Variants in RSBN1L observed in about 807,000 individuals in gnomAD.
The protein encoded by RSBN1L is round spermatid basic protein 1 like.
In RSBN1L, 30 loss-of-function variants were observed where a neutral mutation model predicts 67.7. The observed-to-expected ratio is 0.44, with a 90% CI of 0.33 to 0.60. RSBN1L has a LOEUF of 0.60. RSBN1L is among the 20% of genes least tolerant of loss of function. The pLI is 0.02. For synonymous variants in RSBN1L, 433 were observed against 387.0 expected (o/e 1.12, Z -1.39); for missense variants, 992 against 1,031.7 (o/e 0.96, Z 0.53).
intron 1 of RSBN1L, among the ~76,000 whole-genome samples, chr7:77,734,021 G>C (rs1014023994): frequency 6.6e-6 from 1 of 152,190 alleles, no homozygotes; most frequent in Non-Finnish European, 1.5e-5. Flanking sequence ...CATTTACTTG[G>C]TGGCTGAGGC....
At chr7:77,721,071 A>G (rs1307372746) in intron 1 of RSBN1L, among the ~76,000 whole-genome samples, 1 of 151,910 alleles carries the variant, frequency 6.6e-6, no homozygotes, top group African/African-American at 2.4e-5. Flanking sequence ...TGGATTTAAC[A>G]CTTATTTATG....
chr7:77,701,172 AACAACAAC>A (rs1562791780), intron 1 of RSBN1L, among the ~76,000 whole-genome samples: 16 of 127,814 alleles, frequency 1.3e-4, no homozygotes, highest in Admixed American at 3.2e-4. Context: ...AAAAAAAAAC[AACAACAAC>A]AACAACAACA....
At chr7:77,758,044 AAAAG>A (rs1304708459) in intron 3 of RSBN1L, among the ~76,000 whole-genome samples, 1 of 152,242 alleles carries the variant, frequency 6.6e-6, no homozygotes, top group South Asian at 2.1e-4. Flanking sequence ...ATCTCAAAAA[AAAAG>A]AAAGAAATTC....
In RSBN1L at chr7:77,749,451, T is replaced by A. The variant is rs1791524764; in HGVS notation, c.731T>A (p.Ile244Lys). 3 of 1,572,764 alleles carry A rather than the reference T, an allele frequency of 1.9e-6. No individual in the cohort carries two copies. The highest frequency in any genetic ancestry group is 2.6e-6 in the Non-Finnish European group (3 of 1,167,732). Reference sequence around the variant, plus strand: ...GGGAAGGAGAAACCAAAAACAAATATAGAAGACTTACAAATTAAAAAGGTA... The same window carrying A: ...GGGAAGGAGAAACCAAAAACAAATAAAGAAGACTTACAAATTAAAAAGGTA... ...KSGKEKPKTN[I>K]EDLQIKKVKK... The change falls in exon 3 of 8, where the codon ATA (isoleucine) becomes AAA (lysine). Residue 244 changes from isoleucine (I) to lysine (K), a missense_variant. By Grantham distance (102) the Ile-to-Lys change is moderately radical. Around this residue, in one of 7 missense-constraint regions of RSBN1L, gnomAD observed 575 missense variants for 483.2 expected, o/e 1.19. Coordinates refer to ENST00000334955, the MANE Select transcript of RSBN1L (RefSeq NM_198467.3).
At chr7:77,723,818 C>T (rs1791154633) in intron 1 of RSBN1L, among the ~76,000 whole-genome samples, 1 of 152,096 alleles carries the variant, frequency 6.6e-6, no homozygotes, top group African/African-American at 2.4e-5. Context: ...CCTGTAATCC[C>T]AGCTACTCGG....
At chr7:77,711,214 A>G (rs1790969054) in intron 1 of RSBN1L, among the ~76,000 whole-genome samples, 1 of 152,186 alleles carries the variant, frequency 6.6e-6, no homozygotes, top group Non-Finnish European at 1.5e-5. Flanking sequence ...AATAATAACC[A>G]AATTATATTT....
chr7:77,758,192 G>C (rs572351327), intron 3 of RSBN1L, among the ~76,000 whole-genome samples: 1 of 152,194 alleles, frequency 6.6e-6, no homozygotes, highest in East Asian at 1.9e-4. Flanking sequence ...ATTTTAACAG[G>C]TCATTGTCCA....
chr7:77,778,585 G>A lies in RSBN1L; in HGVS notation c.1958G>A (p.Arg653His), dbSNP rs1457449108. The A allele has an allele frequency of 6.2e-6, 10 of 1,613,768 alleles. No homozygotes were observed. The highest frequency in any genetic ancestry group is 2.2e-5 in the South Asian group (2 of 91,072). Reference protein sequence around the residue: ...KLNQLRREGIRYARIQLYDND... With the variant: ...KLNQLRREGIHYARIQLYDND... Reference sequence around the variant, plus strand: ...AATCAACTGAGGAGGGAAGGCATTCGCTATGCCAGGATTCAGCTATATGAT... The same window carrying A: ...AATCAACTGAGGAGGGAAGGCATTCACTATGCCAGGATTCAGCTATATGAT... Residue 653 changes from arginine to histidine, a missense_variant, in exon 8 of 8, where the codon CGC becomes CAC. Coordinates refer to ENST00000334955, the MANE Select transcript of RSBN1L (RefSeq NM_198467.3).
At chr7:77,707,023 T>A (rs1280214105) in intron 1 of RSBN1L, among the ~76,000 whole-genome samples, 5 of 109,926 alleles carry the variant, frequency 4.5e-5, no homozygotes, top group Non-Finnish European at 7.4e-5. Context: ...TTAAACTAGA[T>A]TTTTTTTTTT....
At chr7:77,711,572 C>T (rs750779204) in intron 1 of RSBN1L, among the ~76,000 whole-genome samples, 3 of 152,048 alleles carry the variant, frequency 2.0e-5, no homozygotes, top group Non-Finnish European at 4.4e-5. Flanking sequence ...TGAACTCCTG[C>T]GTTCCGGCAA....
At chr7:77,731,118 G>A (rs1033591451) in intron 1 of RSBN1L, among the ~76,000 whole-genome samples, 13 of 152,114 alleles carry the variant, frequency 8.5e-5, no homozygotes, top group Non-Finnish European at 1.8e-4. Flanking sequence ...GTGTTTCCTT[G>A]ATGACATCAG....
intron 1 of RSBN1L, among the ~76,000 whole-genome samples, chr7:77,729,078 C>A (rs2150418806): frequency 6.6e-6 from 1 of 152,222 alleles, no homozygotes; most frequent in East Asian, 1.9e-4. Flanking sequence ...AGTCAGTAGA[C>A]TCTTGGCTGT....
At chr7:77,718,455 A>AT (rs1174207281) in intron 1 of RSBN1L, among the ~76,000 whole-genome samples, 2 of 151,990 alleles carry the variant, frequency 1.3e-5, no homozygotes, top group African/African-American at 2.4e-5. Context: ...CACCTGGCTA[A>AT]TTTTTTTGTA....
At chr7:77,748,876 A>G (rs1791517609) in intron 2 of RSBN1L, among the ~76,000 whole-genome samples, 1 of 151,810 alleles carries the variant, frequency 6.6e-6, no homozygotes, top group Admixed American at 6.6e-5. Context: ...CACACTGTAG[A>G]TGTAACTTTG....
intron 1 of RSBN1L, among the ~76,000 whole-genome samples, chr7:77,721,222 TTTTG>T (rs940888525): frequency 6.7e-6 from 1 of 150,108 alleles, no homozygotes; most frequent in African/African-American, 2.5e-5. Context: ...TTGTTGGTAA[TTTTG>T]TTTTTTTTTT....
chr7:77,734,288 T>C (rs905705185), intron 1 of RSBN1L, among the ~76,000 whole-genome samples: 4 of 151,968 alleles, frequency 2.6e-5, no homozygotes, highest in Admixed American at 6.5e-5. Flanking sequence ...TATTATACTT[T>C]AATAAAATTT....
intron 1 of RSBN1L, among the ~76,000 whole-genome samples, chr7:77,705,092 A>G (rs903681565): frequency 6.6e-6 from 1 of 152,112 alleles, no homozygotes; most frequent in Non-Finnish European, 1.5e-5. Flanking sequence ...CCCCCATACT[A>G]TCATTAATTT....
At chr7:77,753,730 T>C (rs1791583386) in intron 3 of RSBN1L, among the ~76,000 whole-genome samples, 1 of 152,232 alleles carries the variant, frequency 6.6e-6, no homozygotes, top group East Asian at 1.9e-4. Context: ...TCTGGAAACT[T>C]TTATTGTTTT....
chr7:77,757,883 C>G (rs911013327), intron 3 of RSBN1L, among the ~76,000 whole-genome samples: 2 of 152,148 alleles, frequency 1.3e-5, no homozygotes, highest in South Asian at 2.1e-4. Flanking sequence ...TGCTAATGTC[C>G]CATTGACAAA....
Sources: allele counts gnomAD v4.1 joint callset (sites outside exome capture counted in the v4.1 genomes callset), GRCh38; gene constraint gnomAD v4.1.1; regional missense constraint gnomAD v4.1.1; transcripts MANE v1.5; gene names NCBI Gene and HGNC (gene_info 2026-07-23, HGNC 2026-07-21).